Variants in PTPN21 observed in about 807,000 individuals in gnomAD.
PTPN21 encodes the protein tyrosine-protein phosphatase non-receptor type 21.
Under a neutral mutation model 131.8 loss-of-function variants are expected in PTPN21, and 77 were observed. The observed-to-expected ratio is 0.58, with a 90% CI of 0.49 to 0.71. The LOEUF is 0.71. Ranked by LOEUF, PTPN21 falls within the 30% of genes least tolerant of loss-of-function variation. The pLI is 0.00. For synonymous variants in PTPN21, 715 were observed against 621.3 expected (o/e 1.15, Z -2.24); for missense variants, 1,552 against 1,527.1 (o/e 1.02, Z -0.27).
intron 13 of PTPN21, among the ~76,000 whole-genome samples, chr14:88,477,446 T>TA (rs59381948): frequency 0.49 from 37,226 of 75,382 alleles, 10,623 homozygotes; most frequent in Admixed American, 0.62. Context: ...AAGACTGTTC[T>TA]AAAAAAAAAA....
rs2078846872 is a variant in PTPN21 at position 88,550,335 on chromosome 14, T to C, written c.83A>G (p.Gln28Arg). The change falls in exon 2 of 19, where the codon CAA (glutamine) becomes CGA (arginine). Residue 28 changes from glutamine (Q) to arginine (R), a missense_variant. By Grantham distance (43) the Gln-to-Arg change is conservative. Coordinates refer to ENST00000556564, the MANE Select transcript of PTPN21 (RefSeq NM_007039.4). ...SSKSCLVARI[Q>R]LLNNEFVEFT... ...CTCCACAAACTCGTTATTAAGCAGT[T>C]GGATCCGGGCAACCAGGCAACTCTT... is the stretch of plus-strand genomic sequence containing the variant. 6.2e-7 allele frequency: 1 copy of C among 1,614,232 alleles called. No individual in the cohort carries two copies.
At chr14:88,513,912 T>A (rs2078223268) in intron 3 of PTPN21, 1 of 152,250 alleles carries the variant, frequency 6.6e-6, no homozygotes, top group South Asian at 2.1e-4. Context: ...TATAACAGTT[T>A]TAGTCTGGAT....
intron 3 of PTPN21, among the ~76,000 whole-genome samples, chr14:88,511,614 A>T (rs1314763096): frequency 6.6e-6 from 1 of 152,200 alleles, no homozygotes; most frequent in Non-Finnish European, 1.5e-5. Context: ...TGTTGCAGTG[A>T]GCCAAGATAG....
At position 88,507,932 on chromosome 14, in the gene PTPN21, C is replaced by A. The variant is rs373299637; in HGVS notation, c.439G>T (p.Ala147Ser). 2 of 1,594,114 alleles carry A rather than the reference C, an allele frequency of 1.3e-6. No homozygotes were observed. Among genetic ancestry groups the A allele is most frequent in the Non-Finnish European group, 1.7e-6 (2 of 1,166,644 alleles). The change falls in exon 4 of 19, where the codon GCT becomes TCT. Residue 147 changes from alanine to serine, a missense_variant. By Grantham distance (99) the Ala-to-Ser change is moderately conservative. This residue lies in a region of PTPN21 where 206 missense variants were observed against 221.6 expected (regional missense o/e 0.93). Coordinates refer to ENST00000556564, the MANE Select transcript of PTPN21 (RefSeq NM_007039.4). ...LEQAIQLAGL[A>S]VQADFGDFDQ... The stretch of plus-strand genomic sequence containing the variant: ...AATTGATCTTATTTACCTTGAACAG[C>A]TAAGCCTGCTAGCTGAATTGCTTGT...
intron 2 of PTPN21, among the ~76,000 whole-genome samples, chr14:88,532,351 A>G (rs927563086): frequency 6.6e-6 from 1 of 152,194 alleles, no homozygotes; most frequent in African/African-American, 2.4e-5. Context: ...TAAATACAAC[A>G]AATTCAGTTC....
chr14:88,474,131 C>CAA (rs754719071), intron 13 of PTPN21, among the ~76,000 whole-genome samples: 1,297 of 46,318 alleles, frequency 0.028, 50 homozygotes, highest in African/African-American at 0.046. Flanking sequence ...AGCTGAAGTC[C>CAA]AAAAAAAAAA....
In PTPN21 at chr14:88,542,125, C is replaced by T. The variant is rs553890495; in HGVS notation, c.180+8113G>A. Among the ~76,000 whole-genome samples the T allele has an allele frequency of 2.0e-5, 3 of 152,288 alleles. 1 individual carries two copies. Among genetic ancestry groups the T allele is most frequent in the East Asian group, 3.9e-4 (2 of 5,184 alleles). ...TCCTGGGTCTTTTGCTTATTAGCTA[C>T]GTAATCACTCAAACTTTTCTTAAGT... On this transcript the variant is annotated intron_variant, in intron 2 of 18. Coordinates refer to ENST00000556564, the MANE Select transcript of PTPN21 (RefSeq NM_007039.4).
At chr14:88,508,659 T>C (rs1377577700) in intron 3 of PTPN21, among the ~76,000 whole-genome samples, 1 of 151,932 alleles carries the variant, frequency 6.6e-6, no homozygotes, top group African/African-American at 2.4e-5. Flanking sequence ...GGCTAATCTT[T>C]ACTTTAAAAA....
Position 88,517,129 on chromosome 14 carries a change from C to T in PTPN21, c.313G>A (p.Val105Met), listed in dbSNP as rs768968448. ...TGCTGCAGCTGAGAAACTGAAGGCA[C>T]ATAAAACACCACTCCAAAATAGACG... ...PTVYFGVVFY[V>M]PSVSQLQQEI... is the part of the protein sequence containing the mutation. The change falls in exon 3 of 19, where the codon GTG becomes ATG. Residue 105 changes from valine (V) to methionine (M), a missense_variant. Val to Met is a conservative substitution (Grantham distance 21, BLOSUM62 1). Coordinates refer to ENST00000556564, the MANE Select transcript of PTPN21 (RefSeq NM_007039.4). The T allele has an allele frequency of 8.1e-6, 13 of 1,614,052 alleles. No individual in the cohort carries two copies. Among genetic ancestry groups the T allele is most frequent in the Non-Finnish European group, 1.1e-5 (13 of 1,179,958 alleles).
chr14:88,524,595 T>C (rs907531561), intron 2 of PTPN21, among the ~76,000 whole-genome samples: 1 of 151,994 alleles, frequency 6.6e-6, no homozygotes, highest in African/African-American at 2.4e-5. Flanking sequence ...AAGAAAAAAA[T>C]AGATAAACTT....
Position 88,500,031 on chromosome 14 carries a change from A to G in PTPN21, c.764+752T>C, listed in dbSNP as rs183777299. Among the ~76,000 whole-genome samples the G allele has an allele frequency of 1.2e-3, 176 of 152,340 alleles. 4 individuals carry two copies. The highest frequency in any genetic ancestry group is 4.0e-3 in the African/African-American group (166 of 41,574). On this transcript the variant is annotated intron_variant, in intron 8 of 18. Transcript: ENST00000556564. ...AATGAATAGTATCTTTTTTTATATCAGCAAAAAAAACCAACATTATAAAAA... is the reference window on the plus strand; with the variant it reads ...AATGAATAGTATCTTTTTTTATATCGGCAAAAAAAACCAACATTATAAAAA...
chr14:88,504,964 A>G lies in PTPN21; in HGVS notation c.516+340T>C, dbSNP rs116811479. On this transcript the variant is annotated intron_variant, in intron 5 of 18. Coordinates refer to ENST00000556564, the MANE Select transcript of PTPN21 (RefSeq NM_007039.4). Reference sequence around the variant, plus strand: ...CTGATGAGAAGCGACATTCCTCAATATAATTTTGTAAGGTTTCAAACCTTC... The same window carrying G: ...CTGATGAGAAGCGACATTCCTCAATGTAATTTTGTAAGGTTTCAAACCTTC... Among the ~76,000 whole-genome samples, 909 of 152,320 alleles carry G rather than the reference A, an allele frequency of 6.0e-3. 12 individuals carry two copies. Among genetic ancestry groups the G allele is most frequent in the African/African-American group, 0.021 (875 of 41,550 alleles).
rs760734265 is a variant in PTPN21 at position 88,468,146 on chromosome 14, C to T, written c.3516G>A (p.Arg1172=). The T allele has an allele frequency of 6.2e-7, 1 of 1,614,018 alleles. No individual in the cohort carries two copies. Among genetic ancestry groups the T allele is most frequent in the East Asian group, 2.2e-5 (1 of 44,880 alleles). Residue 1172 remains arginine (R), a synonymous_variant, in exon 19 of 19, where the codon AGG becomes AGA. Coordinates refer to ENST00000556564, the MANE Select transcript of PTPN21 (RefSeq NM_007039.4). ...AAGAAATTGTGGGAGCTTAGATGAG[C>T]CTGGAGCTTTTCAGGAACTGGATGA... The part of the protein sequence containing the change: ...RVLIQFLKSS[R]LI
chr14:88,488,809 C>T (rs1302581634), intron 10 of PTPN21, among the ~76,000 whole-genome samples: 2 of 151,984 alleles, frequency 1.3e-5, no homozygotes, highest in African/African-American at 4.8e-5. Flanking sequence ...ACCTGGGAAA[C>T]TGGGATACTA....
rs2077713816 is a variant in PTPN21, at chr14:88,485,127, G to A, written c.1027C>T (p.Pro343Ser). The A allele has an allele frequency of 1.2e-6, 2 of 1,607,286 alleles. No individual in the cohort carries two copies. The highest frequency in any genetic ancestry group is 1.3e-5 in the African/African-American group (1 of 74,660). The change falls in exon 12 of 19, where the codon CCG (proline) becomes TCG (serine). Residue 343 changes from proline (P) to serine (S), a missense_variant. Pro to Ser is a moderately conservative substitution (Grantham distance 74). Around this residue, in one of 4 missense-constraint regions of PTPN21, gnomAD observed 1,016 missense variants for 883.5 expected, o/e 1.15. Transcript: ENST00000556564. ...KPQPYVMPPP[P>S]QLHYNGHYTE... ...TAATGTCCATTATAGTGCAACTGCG[G>A]TGGGGGAGGCATCACGTAGGGCTGG... is the stretch of plus-strand genomic sequence containing the variant.
Position 88,517,119 on chromosome 14 carries a change from A to G in PTPN21, c.323T>C (p.Val108Ala). 1 of 1,613,948 alleles carries G rather than the reference A, an allele frequency of 6.2e-7. No individual in the cohort carries two copies. The highest frequency in any genetic ancestry group is 8.5e-7 in the Non-Finnish European group (1 of 1,179,888). Residue 108 changes from valine to alanine, a missense_variant, in exon 3 of 19, where the codon GTT (valine) becomes GCT (alanine). Physicochemically the swap from Val to Ala is moderately conservative, Grantham distance 64. Around this residue, in one of 4 missense-constraint regions of PTPN21, gnomAD observed 206 missense variants for 221.6 expected, o/e 0.93. Coordinates refer to ENST00000556564, the MANE Select transcript of PTPN21 (RefSeq NM_007039.4). ...GGTAATCTCCTGCTGCAGCTGAGAAACTGAAGGCACATAAAACACCACTCC... is the reference window on the plus strand; with the variant it reads ...GGTAATCTCCTGCTGCAGCTGAGAAGCTGAAGGCACATAAAACACCACTCC... The part of the protein sequence containing the change: ...YFGVVFYVPS[V>A]SQLQQEITRY...
chr14:88,479,928 C>A lies in PTPN21; in HGVS notation c.1503G>T (p.Gln501His). Residue 501 changes from glutamine (Q) to histidine (H), a missense_variant, in exon 13 of 19, where the codon CAG becomes CAT. Coordinates refer to ENST00000556564, the MANE Select transcript of PTPN21 (RefSeq NM_007039.4). ...YSQPEIREHA[Q>H]LPSPAAAHCP... is the part of the protein sequence containing the mutation. ...AGTGTGCGGCCGCTGGCGAGGGGAG[C>A]TGTGCGTGCTCGCGGATCTCGGGCT... 1 of 1,604,630 alleles carries A rather than the reference C, an allele frequency of 6.2e-7. No homozygotes were observed. Among genetic ancestry groups the A allele is most frequent in the South Asian group, 1.1e-5 (1 of 90,940 alleles).
chr14:88,512,078 T>C (rs892155688), intron 3 of PTPN21, among the ~76,000 whole-genome samples: 3 of 152,154 alleles, frequency 2.0e-5, no homozygotes, highest in Non-Finnish European at 4.4e-5. Context: ...ACATTAAGTA[T>C]AGTCACCCCA....
At chr14:88,490,939 C>T (rs1038425450) in intron 10 of PTPN21, among the ~76,000 whole-genome samples, 3 of 152,150 alleles carry the variant, frequency 2.0e-5, no homozygotes, top group Admixed American at 6.5e-5. Flanking sequence ...CCAACTCTCT[C>T]GGCATTTTCC....
Sources: allele counts gnomAD v4.1 joint callset (sites outside exome capture counted in the v4.1 genomes callset), GRCh38; gene constraint gnomAD v4.1.1; regional missense constraint gnomAD v4.1.1; transcripts MANE v1.5; gene names NCBI Gene and HGNC (gene_info 2026-07-23, HGNC 2026-07-21).